Variants in UNC13C observed in about 807,000 individuals in gnomAD.
UNC13C encodes unc-13 homolog C.
Under a neutral mutation model 245.4 loss-of-function variants are expected in UNC13C, and 174 were observed. The ratio of observed to expected loss-of-function variants is 0.71; its 90% CI spans 0.63 to 0.80. The LOEUF is 0.80. Among genes scored for constraint, UNC13C ranks in the 30% least tolerant of loss-of-function variants. The pLI is 0.00. For missense variants in UNC13C, 2,829 were observed against 2,602.9 expected (o/e 1.09, Z -1.89); for synonymous variants, 992 against 895.1 (o/e 1.11, Z -1.93).
intron 2 of UNC13C, among the ~76,000 whole-genome samples, chr15:54,095,445 C>G (rs1252981020): frequency 6.6e-6 from 1 of 152,296 alleles, no homozygotes; most frequent in East Asian, 1.9e-4. Context: ...TGTTCCATGT[C>G]CATGTCACCA....
chr15:54,409,083 T>G (rs961819996), intron 18 of UNC13C, among the ~76,000 whole-genome samples: 6 of 152,130 alleles, frequency 3.9e-5, no homozygotes, highest in Admixed American at 3.3e-4. Flanking sequence ...GAAAATCAAC[T>G]TCAACAAAAG....
intron 1 of UNC13C, among the ~76,000 whole-genome samples, chr15:54,008,138 T>G (rs1436316129): frequency 1.3e-5 from 2 of 152,224 alleles, no homozygotes; most frequent in African/African-American, 4.8e-5. Flanking sequence ...TTTAGCTCAC[T>G]AGGGTATTAA....
chr15:54,355,732 G>A (rs1359754395), intron 17 of UNC13C, among the ~76,000 whole-genome samples: 1 of 152,010 alleles, frequency 6.6e-6, no homozygotes, highest in Non-Finnish European at 1.5e-5. Flanking sequence ...TAATTTAAAA[G>A]ATTTTTTTTT....
chr15:54,341,759 G>A (rs1460617395), intron 17 of UNC13C, among the ~76,000 whole-genome samples: 2 of 151,976 alleles, frequency 1.3e-5, no homozygotes, highest in Admixed American at 6.6e-5. Flanking sequence ...GGTAGATCAC[G>A]AGGTCAGGAG....
At chr15:54,440,482 TG>T (rs138321537) in intron 19 of UNC13C, among the ~76,000 whole-genome samples, 13,536 of 152,016 alleles carry the variant, frequency 0.089, 765 homozygotes, top group African/African-American at 0.16. Flanking sequence ...CCAAATGACA[TG>T]ATTTCATTAT....
the UNC13C span, chr15:53,912,593 C>G: frequency 2.1e-5 from 3 of 142,262 alleles, no homozygotes; most frequent in East Asian, 6.2e-4. Flanking sequence ...TGAATATATT[C>G]TGGGGGTGGA....
chr15:54,031,892 C>T (rs918176779), intron 2 of UNC13C, among the ~76,000 whole-genome samples: 1 of 152,188 alleles, frequency 6.6e-6, no homozygotes, highest in East Asian at 1.9e-4. Flanking sequence ...TATGGCATAT[C>T]ATTCATGAAC....
At chr15:54,220,638 A>T (rs2035196999) in intron 4 of UNC13C, among the ~76,000 whole-genome samples, 1 of 151,798 alleles carries the variant, frequency 6.6e-6, no homozygotes, top group Admixed American at 6.6e-5. Flanking sequence ...CATCTTAATA[A>T]CTGATGGTTT....
intron 29 of UNC13C, among the ~76,000 whole-genome samples, chr15:54,556,540 T>C (rs902148098): frequency 3.3e-5 from 5 of 151,944 alleles, no homozygotes; most frequent in African/African-American, 7.2e-5. Context: ...ATCACAGAAA[T>C]GGAGTTTCTA....
At chr15:54,088,073 T>A (rs990932214) in intron 2 of UNC13C, among the ~76,000 whole-genome samples, 4 of 151,956 alleles carry the variant, frequency 2.6e-5, no homozygotes, top group African/African-American at 9.7e-5. Context: ...TATATATATA[T>A]CTTGATTTTA....
intron 17 of UNC13C, among the ~76,000 whole-genome samples, chr15:54,341,975 C>CAAA (rs56264981): frequency 7.9e-6 from 1 of 126,794 alleles, no homozygotes; most frequent in Non-Finnish European, 1.6e-5. Flanking sequence ...GACTCTGTCT[C>CAAA]AAAAAAAAAA....
chr15:54,621,474 G>T (rs1255167904), intron 30 of UNC13C, among the ~76,000 whole-genome samples: 4 of 142,900 alleles, frequency 2.8e-5, no homozygotes, highest in Non-Finnish European at 4.7e-5. Context: ...TTCCAAGCCT[G>T]TAGTCGTTGA....
chr15:53,855,865 GGTACCA>G, the UNC13C span, among the ~76,000 whole-genome samples: 6 of 152,120 alleles, frequency 3.9e-5, no homozygotes, highest in Non-Finnish European at 7.4e-5. Context: ...GAGTAGACAC[GGTACCA>G]ACTCTTCTTT....
chr15:54,111,963 G>A (rs1207301069), intron 2 of UNC13C, among the ~76,000 whole-genome samples: 1 of 152,136 alleles, frequency 6.6e-6, no homozygotes, highest in African/African-American at 2.4e-5. Context: ...AGAGGTTGAG[G>A]CTAGGATGCA....
chr15:54,502,815 T>G (rs1345634123), intron 22 of UNC13C, among the ~76,000 whole-genome samples: 4 of 152,086 alleles, frequency 2.6e-5, no homozygotes, highest in Non-Finnish European at 5.9e-5. Context: ...CTCAGAATAG[T>G]CAGGCAGGTA....
At chr15:54,552,540 T>C (rs1481792342) in intron 28 of UNC13C, among the ~76,000 whole-genome samples, 1 of 87,530 alleles carries the variant, frequency 1.1e-5, no homozygotes, top group African/African-American at 5.0e-5. Context: ...AATATAATTA[T>C]ATATTATATT....
chr15:54,194,949 TA>T (rs2034303669), intron 4 of UNC13C, among the ~76,000 whole-genome samples: 1 of 152,204 alleles, frequency 6.6e-6, no homozygotes, highest in Admixed American at 6.6e-5. Context: ...ATTCATAATT[TA>T]GACTCTATTT....
chr15:54,119,914 G>A (rs967802457), intron 2 of UNC13C, among the ~76,000 whole-genome samples: 2 of 152,140 alleles, frequency 1.3e-5, no homozygotes, highest in South Asian at 4.1e-4. Context: ...TCTATGAAGG[G>A]TAAGAGGAGT....
intron 19 of UNC13C, among the ~76,000 whole-genome samples, chr15:54,455,536 T>A (rs1891470259): frequency 6.6e-6 from 1 of 151,062 alleles, no homozygotes; most frequent in Non-Finnish European, 1.5e-5. Flanking sequence ...TTTTTTTTTT[T>A]TTTTAATTAT....
Sources: gnomAD v4.1 joint callset for allele counts (sites outside exome capture counted in the v4.1 genomes callset) on GRCh38, gnomAD v4.1.1 for gene constraint, MANE v1.5 for transcripts, NCBI Gene and HGNC (gene_info 2026-07-23, HGNC 2026-07-21) for gene names.